Variants in MRTFB observed in about 807,000 individuals in gnomAD.
The protein encoded by MRTFB is myocardin-related transcription factor B.
In MRTFB, 29 loss-of-function variants were observed where a neutral mutation model predicts 104.2. The ratio of observed to expected loss-of-function variants is 0.28; its 90% CI spans 0.21 to 0.38. The LOEUF is 0.38. MRTFB is among the 10% of genes least tolerant of loss of function. The pLI is 1.00. For synonymous variants in MRTFB, 535 were observed against 519.5 expected (o/e 1.03, Z -0.41); for missense variants, 1,270 against 1,341.6 (o/e 0.95, Z 0.83).
chr16:14,154,004 C>G (rs1295024674), intron 3 of MRTFB, among the ~76,000 whole-genome samples: 1 of 152,146 alleles, frequency 6.6e-6, no homozygotes, highest in Non-Finnish European at 1.5e-5. Flanking sequence ...TTTTCTCATG[C>G]TTTTACCTTT....
chr16:14,221,778 C>CTT (rs34467645), intron 8 of MRTFB, among the ~76,000 whole-genome samples: 11 of 70,804 alleles, frequency 1.6e-4, no homozygotes, highest in East Asian at 6.8e-4. Context: ...TATTTCTTTC[C>CTT]TTTTTTTTTT....
At chr16:14,111,267 G>T (rs1035317776) in intron 2 of MRTFB, among the ~76,000 whole-genome samples, 22 of 152,326 alleles carry the variant, frequency 1.4e-4, no homozygotes, top group African/African-American at 5.3e-4. Flanking sequence ...GGAGGCAGCA[G>T]GGAAAGACAA....
At chr16:14,144,407 A>G (rs2038183623) in intron 3 of MRTFB, 1 of 152,190 alleles carries the variant, frequency 6.6e-6, no homozygotes, top group South Asian at 2.1e-4. Context: ...TCAGAAATCT[A>G]GGTTTTTGGG....
chr16:14,212,216 G>A (rs1893208329), intron 4 of MRTFB, 138 bp from the exon 5 acceptor site: 1 of 730,182 alleles, frequency 1.4e-6, no homozygotes, highest in Non-Finnish European at 2.2e-6. Context: ...AATTTTGCAG[G>A]TCTCCTAATG....
At chr16:14,163,927 A>G (rs1342583577) in intron 3 of MRTFB, among the ~76,000 whole-genome samples, 1 of 151,870 alleles carries the variant, frequency 6.6e-6, no homozygotes, top group Non-Finnish European at 1.5e-5. Flanking sequence ...CTTTTTTGAT[A>G]CATAATACTT....
At chr16:14,083,625 G>A (rs923182526) in intron 2 of MRTFB, among the ~76,000 whole-genome samples, 7 of 152,200 alleles carry the variant, frequency 4.6e-5, no homozygotes, top group African/African-American at 1.4e-4. Context: ...TCTCCACGCT[G>A]TGCTGCCTAG....
the MRTFB span, among the ~76,000 whole-genome samples, chr16:14,012,487 A>G: frequency 6.6e-6 from 1 of 151,376 alleles, no homozygotes; most frequent in Non-Finnish European, 1.5e-5. Flanking sequence ...TTTAGTAGAG[A>G]TGGGGTTTCT....
rs1238232966 is a variant in MRTFB, at chr16:14,263,987, A to T, written c.*2543A>T. ...TGCTCACACTCATGTGACATGACCA[A>T]AGATGATACTCTGTAAACAAGGCCC... On this transcript the variant is annotated 3_prime_UTR_variant, in exon 17 of 17. Coordinates refer to ENST00000571589, the MANE Select transcript of MRTFB (RefSeq NM_001308142.2). The T allele has an allele frequency of 1.3e-5, 2 of 152,172 alleles. No individual in the cohort carries two copies. The highest frequency in any genetic ancestry group is 2.9e-5 in the Non-Finnish European group (2 of 68,048). 9.4% of individuals were successfully genotyped at this position (152,172 alleles called of 1,614,324 possible).
the MRTFB span, chr16:14,021,045 A>T: frequency 6.6e-6 from 1 of 152,196 alleles, no homozygotes; most frequent in African/African-American, 2.4e-5. Context: ...ATGTCAGTGG[A>T]GGAGATATTT....
chr16:14,226,083 C>A (rs2041991637), intron 8 of MRTFB, among the ~76,000 whole-genome samples: 1 of 152,130 alleles, frequency 6.6e-6, no homozygotes, highest in Non-Finnish European at 1.5e-5. Flanking sequence ...AAACAAGGCA[C>A]TACAAAGCAT....
intron 16 of MRTFB, among the ~76,000 whole-genome samples, chr16:14,258,835 TAA>T (rs750656967): frequency 1.3e-5 from 2 of 152,334 alleles, no homozygotes; most frequent in African/African-American, 4.8e-5. Context: ...TCATCTTTAT[TAA>T]AAAGAGACAT....
intron 3 of MRTFB, among the ~76,000 whole-genome samples, chr16:14,156,562 G>A (rs2038835221): frequency 6.6e-6 from 1 of 152,154 alleles, no homozygotes; most frequent in African/African-American, 2.4e-5. Flanking sequence ...TACCGTGCTA[G>A]GGCCTCTGGG....
At chr16:14,110,733 G>A (rs1363060161) in intron 2 of MRTFB, among the ~76,000 whole-genome samples, 7 of 151,762 alleles carry the variant, frequency 4.6e-5, no homozygotes, top group Admixed American at 3.3e-4. Context: ...TCTCCTCCTC[G>A]CTGCTCCACG....
At chr16:14,214,698 A>AGATT (rs1211134396) in intron 6 of MRTFB, among the ~76,000 whole-genome samples, 1 of 152,166 alleles carries the variant, frequency 6.6e-6, no homozygotes, top group East Asian at 1.9e-4. Context: ...AGTGAATTAC[A>AGATT]GATTGTGAGA....
the MRTFB span, among the ~76,000 whole-genome samples, chr16:14,006,153 A>T: frequency 6.6e-6 from 1 of 151,756 alleles, no homozygotes; most frequent in East Asian, 1.9e-4. Flanking sequence ...GACCAGCCTG[A>T]CCAACATGAT....
intron 3 of MRTFB, among the ~76,000 whole-genome samples, chr16:14,163,847 AAG>A (rs1323104440): frequency 7.2e-5 from 11 of 151,822 alleles, no homozygotes; most frequent in Non-Finnish European, 1.5e-4. Flanking sequence ...AAAAAAAAAA[AAG>A]CAGCTTTTAT....
chr16:14,038,692 T>G, the MRTFB span, among the ~76,000 whole-genome samples: 1 of 152,168 alleles, frequency 6.6e-6, no homozygotes, highest in African/African-American at 2.4e-5. Context: ...AATACACAGT[T>G]ATTATACCCC....
chr16:14,258,042 T>G, intron 15 of MRTFB, 59 bp from the exon 16 acceptor site: 1 of 1,435,216 alleles, frequency 7.0e-7, no homozygotes, highest in Non-Finnish European at 9.8e-7. Context: ...GACTGCTAAT[T>G]ATATAATGCT....
At chr16:14,098,300 C>T (rs560374802) in intron 2 of MRTFB, among the ~76,000 whole-genome samples, 5 of 152,192 alleles carry the variant, frequency 3.3e-5, no homozygotes, top group South Asian at 2.1e-4. Context: ...AGTAGCTCAT[C>T]GTGGTTTTAA....
Sources: gnomAD v4.1 joint callset for allele counts (sites outside exome capture counted in the v4.1 genomes callset) on GRCh38, gnomAD v4.1.1 for gene constraint, MANE v1.5 for transcripts, NCBI Gene and HGNC (gene_info 2026-07-23, HGNC 2026-07-21) for gene names.